CRPPA: variants seen among roughly 807,000 people sequenced by gnomAD.
CRPPA encodes the protein D-ribitol-5-phosphate cytidylyltransferase.
CRPPA carries 43 observed loss-of-function variants against 52.0 expected under a neutral mutation model. The observed-to-expected ratio is 0.83, with a 90% confidence interval of 0.65 to 1.07. CRPPA has a LOEUF of 1.07. CRPPA is among the 50% of genes least tolerant of loss of function. The probability of loss-of-function intolerance (pLI) is 0.00; values close to 1 mark genes in which losing one functional copy is unlikely to be tolerated. For synonymous variants in CRPPA, 250 were observed against 203.5 expected (o/e 1.23, Z -1.94); for missense variants, 629 against 551.7 (o/e 1.14, Z -1.40).
chr7:16,392,042 T>A (rs1241544611), intron 2 of CRPPA, among the ~76,000 whole-genome samples: 2 of 152,204 alleles, frequency 1.3e-5, no homozygotes, highest in African/African-American at 4.8e-5. Flanking sequence ...ACAATGCAAG[T>A]CTCATTCATG....
intron 6 of CRPPA, among the ~76,000 whole-genome samples, chr7:16,264,205 A>AT (rs1226924993): frequency 3.3e-4 from 50 of 151,110 alleles, no homozygotes; most frequent in Non-Finnish European, 1.8e-4. Context: ...GTTTATATAT[A>AT]AAAAAAAGTC....
chr7:16,313,983 G>C (rs1785090507), intron 3 of CRPPA, among the ~76,000 whole-genome samples: 1 of 151,950 alleles, frequency 6.6e-6, no homozygotes, highest in Non-Finnish European at 1.5e-5. Context: ...TCTGCTGTTT[G>C]TGAATGAAGT....
chr7:16,282,535 T>G (rs527508345), intron 5 of CRPPA, among the ~76,000 whole-genome samples: 31 of 152,042 alleles, frequency 2.0e-4, no homozygotes, highest in Non-Finnish European at 1.2e-4. Flanking sequence ...ATAAAGTAAA[T>G]GAGGCAAAAT....
chr7:16,176,064 T>C (rs1460927141), intron 9 of CRPPA, among the ~76,000 whole-genome samples: 1 of 152,156 alleles, frequency 6.6e-6, no homozygotes, highest in Non-Finnish European at 1.5e-5. Flanking sequence ...GAACTGTGGT[T>C]AGAAGAAGTT....
intron 3 of CRPPA, among the ~76,000 whole-genome samples, chr7:16,344,288 A>T (rs1236371215): frequency 6.6e-6 from 1 of 151,612 alleles, no homozygotes; most frequent in African/African-American, 2.4e-5. Context: ...AACGTGGGCC[A>T]GGTGTGATGG....
chr7:16,231,114 A>T (rs962895874), intron 8 of CRPPA, among the ~76,000 whole-genome samples: 1 of 152,082 alleles, frequency 6.6e-6, no homozygotes, highest in Non-Finnish European at 1.5e-5. Context: ...TCAAGGTAAA[A>T]TCTTATGCTC....
At chr7:16,419,824 C>A (rs1227120063) in intron 1 of CRPPA, among the ~76,000 whole-genome samples, 1 of 152,068 alleles carries the variant, frequency 6.6e-6, no homozygotes, top group Admixed American at 6.6e-5. Context: ...TTTAAAACTC[C>A]GATCCCGAAA....
chr7:16,155,314 G>A (rs757350405), intron 9 of CRPPA, among the ~76,000 whole-genome samples: 6 of 152,114 alleles, frequency 3.9e-5, no homozygotes, highest in Non-Finnish European at 8.8e-5. Context: ...GAGATCAGTG[G>A]GCTGACATCA....
chr7:16,325,293 G>A (rs536888892), intron 3 of CRPPA, among the ~76,000 whole-genome samples: 15 of 152,114 alleles, frequency 9.9e-5, no homozygotes, highest in South Asian at 4.2e-4. Context: ...GAAATTACAC[G>A]GAAACAAACC....
Position 16,088,286 on chromosome 7 carries a change from T to G in CRPPA, c.*3409A>C. 1 of 152,094 alleles carries G rather than the reference T, an allele frequency of 6.6e-6. No homozygotes were observed. Among genetic ancestry groups the G allele is most frequent in the Non-Finnish European group, 1.5e-5 (1 of 68,006 alleles). The allele number at this position is 152,094 out of a possible 1,614,324, so 9.4% of individuals were successfully genotyped here. ...CAAGTGGAAGCATTTTCAGAAACCT[T>G]GAAGCATAATCACTATTATTTTTTA... On this transcript the variant is annotated 3_prime_UTR_variant, in exon 10 of 10. Transcript: ENST00000407010.
At chr7:16,254,792 G>GAAAGAAGGAAAGAAAGAAAGAAA (rs1783573898) in intron 8 of CRPPA, among the ~76,000 whole-genome samples, 51 of 101,750 alleles carry the variant, frequency 5.0e-4, no homozygotes, top group Non-Finnish European at 7.4e-4. Flanking sequence ...AAAGAAAGAA[G>GAAAGAAGGAAAGAAAGAAAGAAA]GAAAGAAAGA....
At chr7:16,394,041 G>A (rs1353630218) in intron 2 of CRPPA, among the ~76,000 whole-genome samples, 1 of 152,018 alleles carries the variant, frequency 6.6e-6, no homozygotes, top group Non-Finnish European at 1.5e-5. Context: ...GTAGTGGTGA[G>A]GACTAGGGCA....
chr7:16,211,614 AC>A (rs1782143262), intron 9 of CRPPA, among the ~76,000 whole-genome samples: 1 of 152,110 alleles, frequency 6.6e-6, no homozygotes, highest in Non-Finnish European at 1.5e-5. Flanking sequence ...GACAGCATAC[AC>A]CCATTTGTTC....
At chr7:16,140,883 C>T (rs1265374569) in intron 9 of CRPPA, among the ~76,000 whole-genome samples, 1 of 152,082 alleles carries the variant, frequency 6.6e-6, no homozygotes, top group East Asian at 1.9e-4. Context: ...TTTTTGAGCA[C>T]CCAGTATGCC....
rs201007548 is a variant in CRPPA at position 16,157,006 on chromosome 7, GTTGTTTT to G, written c.1251+59053_1251+59059del. On this transcript the variant is annotated intron_variant, in intron 9 of 9. Coordinates refer to ENST00000407010, the MANE Select transcript of CRPPA (RefSeq NM_001101426.4). ...GCAATAACATAGTTTTTTTGTTATT[GTTGTTTT>G]TTGTTTTTTGTTTTGTTACTCCCAA... 3.3e-3 allele frequency among the ~76,000 whole-genome samples: 500 copies of G among 152,202 alleles called. 3 individuals carry two copies. The highest frequency in any genetic ancestry group is 0.012 in the African/African-American group (484 of 41,542).
chr7:16,370,146 G>A (rs946283299), intron 3 of CRPPA, among the ~76,000 whole-genome samples: 4 of 152,186 alleles, frequency 2.6e-5, no homozygotes, highest in East Asian at 3.9e-4. Context: ...TGAACTCAGG[G>A]AGGGGTTGCA....
intron 8 of CRPPA, among the ~76,000 whole-genome samples, chr7:16,251,159 T>C (rs1282707662): frequency 6.6e-6 from 1 of 151,984 alleles, no homozygotes; most frequent in Non-Finnish European, 1.5e-5. Context: ...AAGGGATCAA[T>C]GCAACAAGAA....
chr7:16,358,004 C>T (rs1435613339), intron 3 of CRPPA, among the ~76,000 whole-genome samples: 1 of 152,158 alleles, frequency 6.6e-6, no homozygotes, highest in African/African-American at 2.4e-5. Flanking sequence ...GACAGACTGG[C>T]CTGACAAGCT....
chr7:16,254,771 C>T (rs62440443), intron 8 of CRPPA, among the ~76,000 whole-genome samples: 1 of 110,968 alleles, frequency 9.0e-6, no homozygotes, highest in South Asian at 3.1e-4. Context: ...GACAGACACA[C>T]AGAAAGAAAG....
Sources: gnomAD v4.1 joint callset for allele counts (sites outside exome capture counted in the v4.1 genomes callset) on GRCh38, gnomAD v4.1.1 for gene constraint, MANE v1.5 for transcripts, NCBI Gene and HGNC (gene_info 2026-07-23, HGNC 2026-07-21) for gene names.